Variants in NDUFAF2 observed in about 807,000 individuals in gnomAD.
NDUFAF2 encodes NADH dehydrogenase [ubiquinone] 1 alpha subcomplex assembly factor 2.
Under a neutral mutation model 22.8 loss-of-function variants are expected in NDUFAF2, and 13 were observed. That is an observed-to-expected ratio of 0.57 (90% CI 0.37 to 0.91). The LOEUF (loss-of-function observed/expected upper bound fraction) is 0.91, where lower values mean the gene tolerates loss of function less well. Among genes scored for constraint, NDUFAF2 ranks in the 40% least tolerant of loss-of-function variants. The pLI is 0.01. For synonymous variants in NDUFAF2, 53 were observed against 64.2 expected (o/e 0.83, Z 0.84); for missense variants, 162 against 195.2 (o/e 0.83, Z 1.01).
At chr5:61,017,574 TG>T (rs1438688750) in intron 1 of NDUFAF2, among the ~76,000 whole-genome samples, 2 of 152,160 alleles carry the variant, frequency 1.3e-5, no homozygotes, top group Admixed American at 6.6e-5. Flanking sequence ...TTGGAAATTT[TG>T]TAAACTAGTT....
intron 1 of NDUFAF2, among the ~76,000 whole-genome samples, chr5:61,040,299 C>CGCGCGCGCGCGCGT (rs1207596958): frequency 6.7e-6 from 1 of 149,790 alleles, no homozygotes; most frequent in African/African-American, 2.5e-5. Context: ...CGCGCGCGCG[C>CGCGCGCGCGCGCGT]GCGAAAGTTG....
At chr5:61,135,489 A>G (rs1404880262) in intron 3 of NDUFAF2, among the ~76,000 whole-genome samples, 1 of 152,216 alleles carries the variant, frequency 6.6e-6, no homozygotes, top group Non-Finnish European at 1.5e-5. Context: ...TCAAATATAT[A>G]AATATGAGTT....
intron 2 of NDUFAF2, among the ~76,000 whole-genome samples, chr5:61,097,135 T>C (rs954765472): frequency 2.0e-5 from 3 of 152,192 alleles, no homozygotes; most frequent in African/African-American, 7.2e-5. Context: ...AGTTGAATGT[T>C]GCTGTTTCCA....
chr5:61,038,110 GA>G (rs1751823329), intron 1 of NDUFAF2, among the ~76,000 whole-genome samples: 1 of 149,192 alleles, frequency 6.7e-6, no homozygotes, highest in Non-Finnish European at 1.5e-5. Context: ...GAGAGAGAGA[GA>G]GAGAGGGAGA....
At chr5:61,047,452 T>C (rs1751967674) in intron 1 of NDUFAF2, among the ~76,000 whole-genome samples, 1 of 152,180 alleles carries the variant, frequency 6.6e-6, no homozygotes, top group Non-Finnish European at 1.5e-5. Context: ...TTGTCAGCAT[T>C]TGTCTGTCAG....
chr5:61,051,687 G>T (rs1290739497), intron 1 of NDUFAF2, among the ~76,000 whole-genome samples: 1 of 152,096 alleles, frequency 6.6e-6, no homozygotes, highest in Non-Finnish European at 1.5e-5. Context: ...TAGGGATGGT[G>T]TTAGAATTGT....
chr5:60,982,257 T>C (rs946198780), intron 1 of NDUFAF2, among the ~76,000 whole-genome samples: 4 of 152,114 alleles, frequency 2.6e-5, no homozygotes, highest in Non-Finnish European at 4.4e-5. Context: ...AGAGGTTTAA[T>C]GGACTTAACA....
intron 3 of NDUFAF2, chr5:61,114,380 T>G (rs1218740591): frequency 6.6e-6 from 1 of 152,216 alleles, no homozygotes; most frequent in Non-Finnish European, 1.5e-5. Flanking sequence ...TTGATTCTTT[T>G]TAATTATTTT....
chr5:60,963,664 CAGA>C (rs1159418429), intron 1 of NDUFAF2, among the ~76,000 whole-genome samples: 1 of 152,140 alleles, frequency 6.6e-6, no homozygotes, highest in African/African-American at 2.4e-5. Flanking sequence ...TATTAATAAG[CAGA>C]ATACTGAAAA....
At chr5:61,015,771 A>G (rs1390066512) in intron 1 of NDUFAF2, among the ~76,000 whole-genome samples, 4 of 152,234 alleles carry the variant, frequency 2.6e-5, no homozygotes, top group African/African-American at 7.2e-5. Flanking sequence ...AATCTGAAGC[A>G]AAAAGGTTAA....
At chr5:60,986,937 CAAAAAAA>C (rs200015156) in intron 1 of NDUFAF2, among the ~76,000 whole-genome samples, 15 of 73,478 alleles carry the variant, frequency 2.0e-4, no homozygotes, top group African/African-American at 6.1e-4. Context: ...TCTTTTGTCT[CAAAAAAA>C]AAAAAAAAAA....
chr5:61,094,829 G>A (rs764687229), intron 2 of NDUFAF2, among the ~76,000 whole-genome samples: 7 of 152,136 alleles, frequency 4.6e-5, no homozygotes, highest in South Asian at 2.1e-4. Context: ...GGCAGCCTGC[G>A]CCTTTCTCTG....
intron 1 of NDUFAF2, among the ~76,000 whole-genome samples, chr5:60,978,025 C>T (rs777376973): frequency 4.6e-5 from 7 of 152,020 alleles, no homozygotes; most frequent in African/African-American, 7.2e-5. Flanking sequence ...AGGAAAGACT[C>T]GTCCCCCATT....
chr5:61,013,243 G>A (rs1751462840), intron 1 of NDUFAF2, among the ~76,000 whole-genome samples: 1 of 151,844 alleles, frequency 6.6e-6, no homozygotes, highest in Non-Finnish European at 1.5e-5. Context: ...AAAAAATATG[G>A]TAGTACAATT....
chr5:61,144,501 A>G (rs1364297112), intron 3 of NDUFAF2, among the ~76,000 whole-genome samples: 2 of 152,220 alleles, frequency 1.3e-5, no homozygotes, highest in African/African-American at 4.8e-5. Flanking sequence ...TTTTGTATAT[A>G]TACTTAGATC....
At chr5:61,105,021 G>A (rs295560) in intron 3 of NDUFAF2, among the ~76,000 whole-genome samples, 91,227 of 151,678 alleles carry the variant, frequency 0.6, 28,183 homozygotes, top group East Asian at 0.94. Flanking sequence ...CTTTTCCCAT[G>A]GACAGTGTTT....
chr5:60,982,174 A>G (rs1432639740), intron 1 of NDUFAF2, among the ~76,000 whole-genome samples: 1 of 152,154 alleles, frequency 6.6e-6, no homozygotes, highest in Non-Finnish European at 1.5e-5. Flanking sequence ...GGTACTCACG[A>G]TCACTGATTA....
At position 61,017,949 on chromosome 5, in the gene NDUFAF2, G is replaced by A. The variant is rs190113069; in HGVS notation, c.128-55176G>A. The stretch of plus-strand genomic sequence containing the variant: ...GTATTTTTAGTAGAGATGGGGTTTT[G>A]CCATGTTGGCCAGGCTGATCTTGAA... On this transcript the variant is annotated intron_variant, in intron 1 of 3. Transcript: ENST00000296597. Among the ~76,000 whole-genome samples the A allele has an allele frequency of 1.7e-3, 264 of 152,076 alleles. 1 individual carries two copies. The highest frequency in any genetic ancestry group is 6.1e-3 in the African/African-American group (253 of 41,496).
At chr5:61,053,930 C>A (rs903666934) in intron 1 of NDUFAF2, among the ~76,000 whole-genome samples, 2 of 152,032 alleles carry the variant, frequency 1.3e-5, no homozygotes, top group Non-Finnish European at 2.9e-5. Context: ...CTTTAAAAAA[C>A]AATTAAAAAT....
Sources: gnomAD v4.1 joint callset for allele counts (sites outside exome capture counted in the v4.1 genomes callset) on GRCh38, gnomAD v4.1.1 for gene constraint, MANE v1.5 for transcripts, NCBI Gene and HGNC (gene_info 2026-07-23, HGNC 2026-07-21) for gene names.